The following TMC2 variants were observed in gnomAD, a reference collection of about 807,000 sequenced individuals.
TMC2 encodes transmembrane channel-like protein 2.
TMC2 carries 102 observed loss-of-function variants against 105.9 expected under a neutral mutation model. That is an observed-to-expected ratio of 0.96 (90% CI 0.82 to 1.14). The LOEUF is 1.14. TMC2 is among the 50% of genes most tolerant of loss of function. TMC2 has a pLI of 0.00. For synonymous variants in TMC2, 402 were observed against 422.8 expected (o/e 0.95, Z 0.60); for missense variants, 1,093 against 1,134.3 (o/e 0.96, Z 0.52).
intron 2 of TMC2, among the ~76,000 whole-genome samples, chr20:2,549,452 T>C (rs2085943596): frequency 6.6e-6 from 1 of 152,210 alleles, no homozygotes; most frequent in Non-Finnish European, 1.5e-5. Flanking sequence ...TTTTAAAAAA[T>C]ATTTTTCCAG....
rs1003648443 is a variant in TMC2, at chr20:2,641,517, A to G, written c.*166A>G. The stretch of plus-strand genomic sequence containing the variant: ...TCCTTCAGGCCCTTGTCAGCTACCG[A>G]AGGAGGAAGACAGTGGCTTCACCTG... On this transcript the variant is annotated 3_prime_UTR_variant, in exon 20 of 20. Transcript: ENST00000358864. The G allele has an allele frequency of 3.4e-6, 2 of 596,972 alleles. No individual in the cohort carries two copies. The highest frequency in any genetic ancestry group is 1.9e-5 in the African/African-American group (1 of 53,846). 37.0% of individuals were successfully genotyped at this position (596,972 alleles called of 1,614,324 possible).
At chr20:2,557,938 CAA>C (rs1486144860) in intron 2 of TMC2, among the ~76,000 whole-genome samples, 1 of 152,166 alleles carries the variant, frequency 6.6e-6, no homozygotes, top group Non-Finnish European at 1.5e-5. Flanking sequence ...ACCCCAATAA[CAA>C]AAGACAGATT....
chr20:2,622,455 G>T (rs2086532167), intron 16 of TMC2, among the ~76,000 whole-genome samples: 1 of 152,182 alleles, frequency 6.6e-6, no homozygotes, highest in Non-Finnish European at 1.5e-5. Context: ...ATCACCTGAG[G>T]TCAGGAGTTC....
In TMC2 at chr20:2,641,498, A is replaced by G; in HGVS notation, c.*147A>G. On this transcript the variant is annotated 3_prime_UTR_variant, in exon 20 of 20. Coordinates refer to ENST00000358864, the MANE Select transcript of TMC2 (RefSeq NM_080751.3). ...GGAATGCATGAACTTTGATTCCTTCAGGCCCTTGTCAGCTACCGAAGGAGG... is the reference window on the plus strand; with the variant it reads ...GGAATGCATGAACTTTGATTCCTTCGGGCCCTTGTCAGCTACCGAAGGAGG... The G allele has an allele frequency of 1.6e-6, 1 of 612,928 alleles. No homozygotes were observed. The highest frequency in any genetic ancestry group is 2.9e-6 in the Non-Finnish European group (1 of 347,290). 38.0% of individuals were successfully genotyped at this position (612,928 alleles called of 1,614,324 possible).
intron 9 of TMC2, 55 bp from the exon 10 acceptor site, chr20:2,597,096 G>C: frequency 6.3e-7 from 1 of 1,578,322 alleles, no homozygotes; most frequent in Non-Finnish European, 8.7e-7. Context: ...AGGTTCCCTG[G>C]GGGTGACACA....
intron 5 of TMC2, among the ~76,000 whole-genome samples, chr20:2,572,951 C>T (rs2086114019): frequency 6.6e-6 from 1 of 151,648 alleles, no homozygotes; most frequent in South Asian, 2.1e-4. Flanking sequence ...AACAGAGTCT[C>T]ACTCTGCCAC....
At chr20:2,569,171 C>T (rs1600105154) in intron 4 of TMC2, among the ~76,000 whole-genome samples, 2 of 152,126 alleles carry the variant, frequency 1.3e-5, no homozygotes, top group African/African-American at 2.4e-5. Context: ...CTAAATACTC[C>T]CACCATGGCC....
At chr20:2,605,859 G>A (rs982026283) in intron 11 of TMC2, among the ~76,000 whole-genome samples, 1 of 152,246 alleles carries the variant, frequency 6.6e-6, no homozygotes, top group Non-Finnish European at 1.5e-5. Flanking sequence ...TAGGCTGGAA[G>A]TGGAAAAGAG....
At chr20:2,596,172 G>A (rs921513607) in intron 9 of TMC2, among the ~76,000 whole-genome samples, 1 of 152,132 alleles carries the variant, frequency 6.6e-6, no homozygotes, top group African/African-American at 2.4e-5. Context: ...ACCCCTGTTT[G>A]GAATTCTGTG....
At chr20:2,576,740 C>T (rs1047703544) in intron 5 of TMC2, among the ~76,000 whole-genome samples, 8 of 152,058 alleles carry the variant, frequency 5.3e-5, no homozygotes, top group African/African-American at 1.7e-4. Flanking sequence ...GTTAGTAATA[C>T]GAGAAGCTAA....
chr20:2,564,746 G>C (rs1278202449), intron 4 of TMC2, among the ~76,000 whole-genome samples: 1 of 152,152 alleles, frequency 6.6e-6, no homozygotes, highest in Non-Finnish European at 1.5e-5. Context: ...TCCTGGGGCT[G>C]GCAGGATAGG....
chr20:2,604,340 A>T (rs971434799), intron 11 of TMC2, among the ~76,000 whole-genome samples: 3 of 152,240 alleles, frequency 2.0e-5, no homozygotes, highest in African/African-American at 7.2e-5. Flanking sequence ...GTGTTTGCTT[A>T]TCACCTCAGT....
intron 7 of TMC2, among the ~76,000 whole-genome samples, chr20:2,591,844 G>T (rs1210281366): frequency 6.6e-6 from 1 of 152,072 alleles, no homozygotes; most frequent in African/African-American, 2.4e-5. Flanking sequence ...TCAGGAAAGC[G>T]ATCAATGTTA....
chr20:2,599,422 G>T (rs1320339330), intron 10 of TMC2, among the ~76,000 whole-genome samples: 2 of 151,374 alleles, frequency 1.3e-5, no homozygotes, highest in East Asian at 3.9e-4. Flanking sequence ...TAACCATCCA[G>T]CTGGGAAGCA....
chr20:2,639,261 C>G (rs946174908), intron 19 of TMC2, among the ~76,000 whole-genome samples: 9 of 152,222 alleles, frequency 5.9e-5, no homozygotes, highest in African/African-American at 2.2e-4. Context: ...GCAGTAGTGA[C>G]AGTGGTGTCC....
At chr20:2,606,848 G>A (rs187277103) in intron 11 of TMC2, among the ~76,000 whole-genome samples, 7 of 128,306 alleles carry the variant, frequency 5.5e-5, no homozygotes, top group African/African-American at 9.2e-5. Flanking sequence ...ATTCTCTTAG[G>A]TATTCTTCAA....
intron 12 of TMC2, among the ~76,000 whole-genome samples, chr20:2,611,489 C>T (rs2086437886): frequency 6.6e-6 from 1 of 152,184 alleles, no homozygotes; most frequent in Non-Finnish European, 1.5e-5. Context: ...CTCTCTCCAC[C>T]CCTCTCCTCA....
intron 7 of TMC2, among the ~76,000 whole-genome samples, chr20:2,581,790 AC>A (rs779661044): frequency 8.5e-5 from 13 of 152,242 alleles, no homozygotes; most frequent in Non-Finnish European, 1.8e-4. Flanking sequence ...TTAAAAGAGA[AC>A]ATTAAATTTG....
chr20:2,612,552 T>C (rs575944185), intron 13 of TMC2, among the ~76,000 whole-genome samples: 1 of 152,320 alleles, frequency 6.6e-6, no homozygotes, highest in South Asian at 2.1e-4. Flanking sequence ...AAGGTTGTGA[T>C]TGGTGTCTGG....
Sources: allele counts gnomAD v4.1 joint callset (sites outside exome capture counted in the v4.1 genomes callset), GRCh38; gene constraint gnomAD v4.1.1; transcripts MANE v1.5; gene names NCBI Gene and HGNC (gene_info 2026-07-23, HGNC 2026-07-21).